Variants in DLG2 observed in about 807,000 individuals in gnomAD.
DLG2 encodes the protein disks large homolog 2.
A neutral mutation model predicts 132.5 loss-of-function variants in DLG2; 45 were observed. That is an observed-to-expected ratio of 0.34 (90% CI 0.27 to 0.44). DLG2 has a LOEUF of 0.44. Among genes scored for constraint, DLG2 ranks in the 20% least tolerant of loss-of-function variants. DLG2 has a pLI of 1.00. For synonymous variants in DLG2, 424 were observed against 419.6 expected, an observed-to-expected ratio of 1.01 and a Z score of -0.13; for missense variants, 1,045 against 1,196.9, an observed-to-expected ratio of 0.87 and a Z score of 1.87.
intron 4 of DLG2, among the ~76,000 whole-genome samples, chr11:85,280,428 T>G (rs758270355): frequency 3.9e-5 from 6 of 152,032 alleles, no homozygotes; most frequent in Admixed American, 6.6e-5. Context: ...AAAAGCAAAA[T>G]TCAAACAGAA....
intron 2 of DLG2, among the ~76,000 whole-genome samples, chr11:85,620,355 A>T (rs770238299): frequency 9.9e-5 from 15 of 152,200 alleles, no homozygotes; most frequent in Non-Finnish European, 1.8e-4. Flanking sequence ...ACAATATTAA[A>T]GTTAGGCCAA....
intron 4 of DLG2, among the ~76,000 whole-genome samples, chr11:85,222,840 C>T (rs1384425849): frequency 1.3e-5 from 2 of 152,080 alleles, no homozygotes; most frequent in African/African-American, 2.4e-5. Flanking sequence ...TCCCTGGTGT[C>T]CCAGTTGTCA....
intron 10 of DLG2, among the ~76,000 whole-genome samples, chr11:84,090,241 C>G (rs1313122438): frequency 1.3e-5 from 2 of 151,768 alleles, no homozygotes; most frequent in Non-Finnish European, 2.9e-5. Context: ...TGGTGAAACC[C>G]CGTCTCTACT....
intron 7 of DLG2, among the ~76,000 whole-genome samples, chr11:84,522,202 A>C (rs2154517108): frequency 6.6e-6 from 1 of 152,164 alleles, no homozygotes; most frequent in South Asian, 2.1e-4. Flanking sequence ...AAAGAAAAGA[A>C]AAGAAAAAAT....
intron 6 of DLG2, among the ~76,000 whole-genome samples, chr11:84,919,706 AG>A (rs1229267291): frequency 5.3e-5 from 8 of 152,226 alleles, no homozygotes; most frequent in African/African-American, 1.9e-4. Flanking sequence ...TAGTGCGATG[AG>A]GAAGATAAAG....
At chr11:83,461,948 A>C (rs753438752) in intron 27 of DLG2, 54 bp downstream of exon 27, 1 of 1,257,500 alleles carries the variant, frequency 8.0e-7, no homozygotes, top group East Asian at 2.3e-5. Flanking sequence ...CTCTGTGCCA[A>C]ATGTCAGACA....
intron 10 of DLG2, among the ~76,000 whole-genome samples, chr11:84,078,374 A>C (rs185882784): frequency 2.6e-5 from 4 of 152,320 alleles, no homozygotes; most frequent in Admixed American, 2.6e-4. Flanking sequence ...CAATTTTATT[A>C]AAAGCAAAGA....
chr11:84,185,008 G>A (rs1023815993), intron 8 of DLG2, among the ~76,000 whole-genome samples: 5 of 152,180 alleles, frequency 3.3e-5, no homozygotes, highest in Admixed American at 1.3e-4. Context: ...GTAGCGTGAT[G>A]CCTCTGGCTT....
At chr11:84,412,945 C>CATCTTGGT (rs1232329586) in intron 7 of DLG2, among the ~76,000 whole-genome samples, 1 of 152,168 alleles carries the variant, frequency 6.6e-6, no homozygotes, top group Admixed American at 6.5e-5. Context: ...TTCTTTTATT[C>CATCTTGGT]ATCTTGGTAA....
rs533218374 is a variant in DLG2 at position 84,324,859 on chromosome 11, T to C, written c.520-73568A>G. Among the ~76,000 whole-genome samples the C allele has an allele frequency of 6.6e-5, 10 of 152,268 alleles. No homozygotes were observed. In the South Asian group the frequency reaches 1.7e-3, roughly 25 times the overall value. The stretch of plus-strand genomic sequence containing the variant: ...TATAGAAACACAACTAATTTTTGTA[T>C]ATTGATTTTGTATCCTATAATTTTG... On this transcript the variant is annotated intron_variant, in intron 7 of 27. Coordinates refer to ENST00000376104, the MANE Select transcript of DLG2 (RefSeq NM_001142699.3).
intron 10 of DLG2, among the ~76,000 whole-genome samples, chr11:84,092,756 G>A (rs1022876535): frequency 3.9e-5 from 6 of 152,016 alleles, no homozygotes; most frequent in African/African-American, 1.2e-4. Flanking sequence ...ACCACAAACC[G>A]GCTGGGTACG....
chr11:83,868,098 C>T (rs879645014), intron 16 of DLG2, among the ~76,000 whole-genome samples: 12 of 152,210 alleles, frequency 7.9e-5, no homozygotes, highest in Admixed American at 7.2e-4. Context: ...GGGGGGACAG[C>T]GATGGTCAGA....
Position 84,665,024 on chromosome 11 carries a change from T to C in DLG2, c.358-130293A>G, listed in dbSNP as rs111276634. Among the ~76,000 whole-genome samples, 1,075 of 152,218 alleles carry C rather than the reference T, an allele frequency of 7.1e-3. 11 individuals carry two copies. The highest frequency in any genetic ancestry group is 0.024 in the African/African-American group (1,010 of 41,544). On this transcript the variant is annotated intron_variant, in intron 6 of 27. Transcript: ENST00000376104. ...GTTTCTGCCACTAATCTTGCTTTTA[T>C]GTGCTGCCATGAGAATCTTAGCTGG...
At chr11:84,151,401 T>G (rs192200915) in intron 9 of DLG2, among the ~76,000 whole-genome samples, 1 of 152,150 alleles carries the variant, frequency 6.6e-6, no homozygotes. Flanking sequence ...TGTGATGTTA[T>G]CTTTGTCATT....
At chr11:84,779,614 G>A (rs7941121) in intron 6 of DLG2, among the ~76,000 whole-genome samples, 21,369 of 151,844 alleles carry the variant, frequency 0.14, 1,708 homozygotes, top group African/African-American at 0.22. Flanking sequence ...TAGGAGAGAG[G>A]CAAAACTGAT....
chr11:84,228,110 C>G (rs187467702), intron 8 of DLG2, among the ~76,000 whole-genome samples: 1 of 152,138 alleles, frequency 6.6e-6, no homozygotes, highest in Non-Finnish European at 1.5e-5. Context: ...GGTTGCATCA[C>G]TGACATGATG....
intron 18 of DLG2, among the ~76,000 whole-genome samples, chr11:83,764,311 T>A (rs2094044269): frequency 6.6e-6 from 1 of 152,204 alleles, no homozygotes; most frequent in African/African-American, 2.4e-5. Context: ...TCCCAGCTTT[T>A]GGAACTTCAA....
intron 19 of DLG2, among the ~76,000 whole-genome samples, chr11:83,602,099 G>A (rs2058660337): frequency 6.6e-6 from 1 of 152,132 alleles, no homozygotes; most frequent in African/African-American, 2.4e-5. Flanking sequence ...ATGGACAGAG[G>A]AAATGAATGA....
chr11:83,559,913 C>G (rs2096582308), intron 19 of DLG2, among the ~76,000 whole-genome samples: 1 of 152,118 alleles, frequency 6.6e-6, no homozygotes. Flanking sequence ...GTAGGTAGAG[C>G]TGCCATACTC....
Sources: allele counts gnomAD v4.1 joint callset (sites outside exome capture counted in the v4.1 genomes callset), GRCh38; gene constraint gnomAD v4.1.1; transcripts MANE v1.5; gene names NCBI Gene and HGNC (gene_info 2026-07-23, HGNC 2026-07-21).